Variants in PRKAG2 observed in about 807,000 individuals in gnomAD.
PRKAG2 encodes the protein 5'-AMP-activated protein kinase subunit gamma-2.
PRKAG2 carries 26 observed loss-of-function variants against 69.6 expected under a neutral mutation model. That is an observed-to-expected ratio of 0.37 (90% CI 0.27 to 0.52). PRKAG2 has a LOEUF of 0.52. Ranked by LOEUF, PRKAG2 falls within the 20% of genes least tolerant of loss-of-function variation. The pLI, the probability that PRKAG2 is intolerant of heterozygous loss-of-function variation, is 0.90. For missense variants in PRKAG2, 557 were observed against 740.0 expected, an observed-to-expected ratio of 0.75 and a Z score of 2.87; for synonymous variants, 293 against 285.0, an observed-to-expected ratio of 1.03 and a Z score of -0.28.
At chr7:151,588,650 G>A (rs1451588626) in intron 6 of PRKAG2, among the ~76,000 whole-genome samples, 3 of 152,056 alleles carry the variant, frequency 2.0e-5, no homozygotes, top group East Asian at 3.9e-4. Context: ...GTGAGACACC[G>A]CACCCAGCGA....
At chr7:151,652,667 A>G (rs1465443306) in intron 4 of PRKAG2, among the ~76,000 whole-genome samples, 1 of 152,068 alleles carries the variant, frequency 6.6e-6, no homozygotes, top group Non-Finnish European at 1.5e-5. Flanking sequence ...TCTTTTTGAG[A>G]TGGGGTCACC....
At chr7:151,806,310 T>C (rs1483350246) in intron 1 of PRKAG2, among the ~76,000 whole-genome samples, 1 of 152,130 alleles carries the variant, frequency 6.6e-6, no homozygotes, top group Non-Finnish European at 1.5e-5. Context: ...CATTTATTAT[T>C]AAAAGAAAAA....
rs751794122 is a variant in PRKAG2 at position 151,771,847 on chromosome 7, A to G, written c.466+9305T>C. ...AGTTTCTGGACCCGGTCGGGCTTAC[A>G]TATGACCCACTGAAATCCCTGGGTC... is the stretch of plus-strand genomic sequence containing the variant. On this transcript the variant is annotated intron_variant, in intron 3 of 15. Transcript: ENST00000287878. The surrounding 1 kb of genome is among the most constrained non-coding windows in gnomAD (Gnocchi z 4.0). Among the ~76,000 whole-genome samples the G allele has an allele frequency of 5.3e-5, 8 of 152,220 alleles. No homozygotes were observed. The highest frequency in any genetic ancestry group is 1.2e-4 in the Non-Finnish European group (8 of 68,048).
chr7:151,807,557 A>G lies in PRKAG2; in HGVS notation c.115-21016T>C. ...AAATGGCCAGCACTGCGCCTTCCAG[A>G]ACCCAGCGTAGATGCACAGCTGCCA... On this transcript the variant is annotated intron_variant, in intron 1 of 15. Coordinates refer to ENST00000287878, the MANE Select transcript of PRKAG2 (RefSeq NM_016203.4). The surrounding 1 kb of genome is among the most constrained non-coding windows in gnomAD (Gnocchi z 4.4). 1 of 457,850 alleles carries G rather than the reference A, an allele frequency of 2.2e-6. No homozygotes were observed. Among genetic ancestry groups the G allele is most frequent in the Non-Finnish European group, 4.4e-6 (1 of 226,970 alleles). The allele number at this position is 457,850 out of a possible 1,614,324, so 28.4% of individuals were successfully genotyped here.
At chr7:151,778,172 G>A (rs1018902787) in intron 3 of PRKAG2, among the ~76,000 whole-genome samples, 6 of 152,108 alleles carry the variant, frequency 3.9e-5, no homozygotes, top group East Asian at 3.9e-4. Flanking sequence ...CCAATCAGCA[G>A]TGCCCGTTCC....
intron 14 of PRKAG2, among the ~76,000 whole-genome samples, chr7:151,562,954 CA>C (rs35394134): frequency 0.41 from 46,139 of 113,146 alleles, 7,379 homozygotes; most frequent in East Asian, 0.48. Context: ...GACTCCGTCT[CA>C]AAAAAAAAAA....
chr7:151,866,469 G>A (rs939082539), intron 1 of PRKAG2, among the ~76,000 whole-genome samples: 3 of 152,124 alleles, frequency 2.0e-5, no homozygotes, highest in Non-Finnish European at 2.9e-5. Flanking sequence ...AAAAGCACAC[G>A]TCTGGCATAT....
At chr7:151,717,017 T>C (rs1586016702) in intron 3 of PRKAG2, among the ~76,000 whole-genome samples, 1 of 151,850 alleles carries the variant, frequency 6.6e-6, no homozygotes, top group Admixed American at 6.6e-5. Context: ...GAGGCCAAGG[T>C]GGGTGGATCA....
chr7:151,710,318 C>G (rs1795079254), intron 3 of PRKAG2, among the ~76,000 whole-genome samples: 1 of 152,192 alleles, frequency 6.6e-6, no homozygotes, highest in South Asian at 2.1e-4. Flanking sequence ...TGTCCCCCAG[C>G]TGCCGAGGCT....
At chr7:151,816,582 GT>G (rs1432272040) in intron 1 of PRKAG2, among the ~76,000 whole-genome samples, 1 of 152,228 alleles carries the variant, frequency 6.6e-6, no homozygotes, top group Non-Finnish European at 1.5e-5. Context: ...ATCCTGGGAT[GT>G]GCGGGATTAT....
At chr7:151,858,968 G>A (rs1396689179) in intron 1 of PRKAG2, among the ~76,000 whole-genome samples, 1 of 152,166 alleles carries the variant, frequency 6.6e-6, no homozygotes, top group Admixed American at 6.5e-5. Context: ...GGCTGGCATC[G>A]ACAGCAGGTC....
chr7:151,696,833 CG>C (rs1490281140), intron 3 of PRKAG2, among the ~76,000 whole-genome samples: 1 of 152,150 alleles, frequency 6.6e-6, no homozygotes, highest in Non-Finnish European at 1.5e-5. Flanking sequence ...GGGAGCAGCC[CG>C]GAGTGTCTCC....
At position 151,835,756 on chromosome 7, in the gene PRKAG2, G is replaced by A. The variant is rs1450097322; in HGVS notation, c.114+40751C>T. On this transcript the variant is annotated intron_variant, in intron 1 of 15. Coordinates refer to ENST00000287878, the MANE Select transcript of PRKAG2 (RefSeq NM_016203.4). This position sits in a 1 kb window ranked among gnomAD's most constrained non-coding sequence, Gnocchi z 4.1. ...CTGGCCCCACCCTGGGCTTCCATTG[G>A]TCTGGATCGGACATCCCGGGGGCTC... Among the ~76,000 whole-genome samples the A allele has an allele frequency of 6.6e-6, 1 of 152,220 alleles. No homozygotes were observed. Among genetic ancestry groups the A allele is most frequent in the Non-Finnish European group, 1.5e-5 (1 of 68,038 alleles).
At chr7:151,736,137 T>C (rs1244312450) in intron 3 of PRKAG2, 1 of 1,467,240 alleles carries the variant, frequency 6.8e-7, no homozygotes, top group African/African-American at 1.4e-5. Flanking sequence ...CAGCCTGTGC[T>C]CAGGTGACAG....
intron 1 of PRKAG2, among the ~76,000 whole-genome samples, chr7:151,855,206 C>T (rs767588152): frequency 6.5e-5 from 8 of 123,416 alleles, no homozygotes; most frequent in South Asian, 3.0e-4. Context: ...ACACACACCA[C>T]CCTCCACACA....
Position 151,781,022 on chromosome 7 carries a change from C to A in PRKAG2, c.466+130G>T. ...AGGGGGAAGTGGGGGTGGGGAGAAA[C>A]AGATACAGGCACTCAGCACCAAGCT... On this transcript the variant is annotated intron_variant, in intron 3 of 15. Coordinates refer to ENST00000287878, the MANE Select transcript of PRKAG2 (RefSeq NM_016203.4). This position sits in a 1 kb window ranked among gnomAD's most constrained non-coding sequence, Gnocchi z 6.1. 1 of 1,257,674 alleles carries A rather than the reference C, an allele frequency of 8.0e-7. No individual in the cohort carries two copies. The highest frequency in any genetic ancestry group is 1.7e-5 in the Admixed American group (1 of 57,696). The allele number at this position is 1,257,674 out of a possible 1,614,324, so 77.9% of individuals were successfully genotyped here.
At chr7:151,855,158 T>C (rs868206804) in intron 1 of PRKAG2, among the ~76,000 whole-genome samples, 240 of 3,988 alleles carry the variant, frequency 0.06, 6 homozygotes, top group East Asian at 0.1. Flanking sequence ...ACACACACCA[T>C]CCTCCACACA....
chr7:151,589,368 C>T (rs1010385864), intron 6 of PRKAG2, among the ~76,000 whole-genome samples: 2 of 152,210 alleles, frequency 1.3e-5, no homozygotes, highest in Non-Finnish European at 2.9e-5. Context: ...CAGACTCACA[C>T]AGCATCATGG....
rs117760064 is a variant in PRKAG2 at position 151,866,898 on chromosome 7, G to C, written c.114+9609C>G. Among the ~76,000 whole-genome samples the C allele has an allele frequency of 3.4e-3, 514 of 150,354 alleles. 26 individuals are homozygous for C. In the East Asian group the frequency reaches 0.093, roughly 27 times the overall value. On this transcript the variant is annotated intron_variant, in intron 1 of 15. Coordinates refer to ENST00000287878, the MANE Select transcript of PRKAG2 (RefSeq NM_016203.4). Reference sequence around the variant, plus strand: ...TGCACCCCTGGCCCCAGGAGGCTAAGTCTTGGTGGCCACCCAGGAGGGGAG... The same window carrying C: ...TGCACCCCTGGCCCCAGGAGGCTAACTCTTGGTGGCCACCCAGGAGGGGAG...
Sources: gnomAD v4.1 joint callset for allele counts (sites outside exome capture counted in the v4.1 genomes callset) on GRCh38, gnomAD v4.1.1 for gene constraint, Gnocchi (gnomAD v3.1) non-coding constraint, MANE v1.5 for transcripts, NCBI Gene and HGNC (gene_info 2026-07-23, HGNC 2026-07-21) for gene names.